The following MAN1C1 variants were observed in gnomAD, a reference collection of about 807,000 sequenced individuals.
The protein encoded by MAN1C1 is mannosyl-oligosaccharide 1,2-alpha-mannosidase IC.
In MAN1C1, 49 loss-of-function variants were observed where a neutral mutation model predicts 71.5. The ratio of observed to expected loss-of-function variants is 0.69; its 90% CI spans 0.54 to 0.87. The LOEUF (loss-of-function observed/expected upper bound fraction) is 0.87, where lower values mean the gene tolerates loss of function less well. MAN1C1 is among the 40% of genes least tolerant of loss of function. The pLI, the probability that MAN1C1 is intolerant of heterozygous loss-of-function variation, is 0.00. For synonymous variants in MAN1C1, 352 were observed against 343.7 expected, an observed-to-expected ratio of 1.02 and a Z score of -0.27; for missense variants, 743 against 835.0, an observed-to-expected ratio of 0.89 and a Z score of 1.36.
chr1:25,666,472 C>G (rs1008386365), intron 1 of MAN1C1, among the ~76,000 whole-genome samples: 1 of 152,118 alleles, frequency 6.6e-6, no homozygotes, highest in Non-Finnish European at 1.5e-5. Flanking sequence ...AACACCAAGT[C>G]CATAGTGAAA....
intron 7 of MAN1C1, among the ~76,000 whole-genome samples, chr1:25,768,304 A>G (rs1177477133): frequency 1.1e-5 from 1 of 87,652 alleles, no homozygotes. Flanking sequence ...CACACGCATT[A>G]CACACTCCCT....
intron 11 of MAN1C1, 66 bp from the exon 12 acceptor site, chr1:25,783,597 G>A: frequency 6.4e-7 from 1 of 1,573,738 alleles, no homozygotes; most frequent in South Asian, 1.1e-5. Context: ...TTGTTCCCAG[G>A]CCCACCCTTC....
At position 25,732,596 on chromosome 1, in the gene MAN1C1, C is replaced by T. The variant is rs551926743; in HGVS notation, c.638-14072C>T. On this transcript the variant is annotated intron_variant, in intron 2 of 11. Transcript: ENST00000374332. The stretch of plus-strand genomic sequence containing the variant: ...TCCGGCATTTTGCATGATCTCTAGC[C>T]CTCAGGATGGTTTGCAAGGTGGAGG... Among the ~76,000 whole-genome samples the T allele has an allele frequency of 4.6e-5, 7 of 152,306 alleles. No individual in the cohort carries two copies. The South Asian group carries it at 1.2e-3, about 27-fold the overall frequency.
intron 1 of MAN1C1, among the ~76,000 whole-genome samples, chr1:25,673,200 CGAT>C (rs1486564400): frequency 6.6e-6 from 1 of 152,138 alleles, no homozygotes; most frequent in Non-Finnish European, 1.5e-5. Flanking sequence ...GCAGGGAAGA[CGAT>C]GAATGGGAAG....
chr1:25,631,889 A>G lies in MAN1C1; in HGVS notation c.540+13552A>G, dbSNP rs1165779873. Reference sequence around the variant, plus strand: ...TAGGTTCAAGTGATTCTCCTGCCTCAGCTGCCTGAGTAGCTGGGACTACAG... The same window carrying G: ...TAGGTTCAAGTGATTCTCCTGCCTCGGCTGCCTGAGTAGCTGGGACTACAG... On this transcript the variant is annotated intron_variant, in intron 1 of 11. Coordinates refer to ENST00000374332, the MANE Select transcript of MAN1C1 (RefSeq NM_020379.4). This position sits in a 1 kb window ranked among gnomAD's most constrained non-coding sequence, Gnocchi z 4.2. 2.0e-5 allele frequency among the ~76,000 whole-genome samples: 3 copies of G among 152,186 alleles called. No homozygotes were observed. The highest frequency in any genetic ancestry group is 4.4e-5 in the Non-Finnish European group (3 of 68,026).
chr1:25,762,685 C>A (rs1435316954), intron 6 of MAN1C1, among the ~76,000 whole-genome samples: 1 of 152,030 alleles, frequency 6.6e-6, no homozygotes, highest in African/African-American at 2.4e-5. Context: ...CCCTTGGCCT[C>A]CCAAAGTGCT....
chr1:25,693,579 C>G (rs984216655), intron 2 of MAN1C1, among the ~76,000 whole-genome samples: 1 of 152,114 alleles, frequency 6.6e-6, no homozygotes, highest in Non-Finnish European at 1.5e-5. Flanking sequence ...TACAGTAAGC[C>G]GAGATTGCCC....
At chr1:25,722,903 G>C (rs1026837411) in intron 2 of MAN1C1, among the ~76,000 whole-genome samples, 9 of 152,282 alleles carry the variant, frequency 5.9e-5, no homozygotes, top group South Asian at 2.1e-4. Context: ...AGCTAGTCTG[G>C]TTCTGCATAG....
At chr1:25,666,710 T>C (rs2045929427) in intron 1 of MAN1C1, among the ~76,000 whole-genome samples, 1 of 152,206 alleles carries the variant, frequency 6.6e-6, no homozygotes, top group Admixed American at 6.5e-5. Context: ...GATGGTTTCC[T>C]CCTTTATACA....
chr1:25,699,603 G>A (rs2046411316), intron 2 of MAN1C1, among the ~76,000 whole-genome samples: 1 of 152,178 alleles, frequency 6.6e-6, no homozygotes, highest in African/African-American at 2.4e-5. Flanking sequence ...CTGCCACCCA[G>A]ATGAGGCCTG....
intron 2 of MAN1C1, among the ~76,000 whole-genome samples, chr1:25,744,444 C>T (rs143455681): frequency 6.6e-6 from 1 of 152,168 alleles, no homozygotes; most frequent in South Asian, 2.1e-4. Flanking sequence ...GGACGCAGTG[C>T]TGGGTCCTTC....
intron 1 of MAN1C1, among the ~76,000 whole-genome samples, chr1:25,649,354 T>C (rs778968443): frequency 6.6e-6 from 1 of 152,214 alleles, no homozygotes; most frequent in Non-Finnish European, 1.5e-5. Context: ...TTTTTGAGTG[T>C]CGGAAATCCC....
intron 1 of MAN1C1, among the ~76,000 whole-genome samples, chr1:25,678,997 G>C (rs886864193): frequency 5.3e-5 from 8 of 152,126 alleles, no homozygotes; most frequent in Non-Finnish European, 7.4e-5. Context: ...AGAAGAGAGA[G>C]AGAGGAGACG....
chr1:25,778,271 G>A lies in MAN1C1; in HGVS notation c.1424G>A (p.Arg475Gln), dbSNP rs781087513. 25 of 1,613,880 alleles carry A rather than the reference G, an allele frequency of 1.5e-5. No homozygotes were observed. Among genetic ancestry groups the A allele is most frequent in the Non-Finnish European group, 2.0e-5 (24 of 1,179,950 alleles). Residue 475 changes from arginine (R) to glutamine (Q), a missense_variant, in exon 9 of 12, where the codon CGA becomes CAA. By Grantham distance (43) the Arg-to-Gln change is conservative. Transcript: ENST00000374332. This position sits in a 1 kb window ranked among gnomAD's most constrained non-coding sequence, Gnocchi z 5.5. ...DAKEEKRAHYRELAAQITKTC... is the reference protein window; with the variant it reads ...DAKEEKRAHYQELAAQITKTC... ...AAGGAAGAAAAGAGGGCCCACTACC[G>A]AGAGCTCGCAGCCCAGATCACCAAG...
In MAN1C1 at chr1:25,743,758, A is replaced by G. The variant is rs1360427422; in HGVS notation, c.638-2910A>G. ...GCCTGATCTAGAGGAAGAAGGGCGC[A>G]TGGGGTGAAAACACCAGGGAGCTCA... On this transcript the variant is annotated intron_variant, in intron 2 of 11. Coordinates refer to ENST00000374332, the MANE Select transcript of MAN1C1 (RefSeq NM_020379.4). Among the ~76,000 whole-genome samples, 3 of 152,222 alleles carry G rather than the reference A, an allele frequency of 2.0e-5. No individual in the cohort carries two copies. In the East Asian group the frequency reaches 5.8e-4, roughly 29 times the overall value.
intron 1 of MAN1C1, among the ~76,000 whole-genome samples, chr1:25,637,948 C>T (rs1489741095): frequency 6.6e-6 from 1 of 151,364 alleles, no homozygotes; most frequent in Non-Finnish European, 1.5e-5. Context: ...TAAAATGTAC[C>T]TCTTATAAAG....
chr1:25,766,890 G>A (rs1308434768), intron 7 of MAN1C1, among the ~76,000 whole-genome samples: 2 of 152,008 alleles, frequency 1.3e-5, no homozygotes, highest in East Asian at 1.9e-4. Context: ...GCATCAGATC[G>A]GCTGATTTCC....
intron 2 of MAN1C1, among the ~76,000 whole-genome samples, chr1:25,716,151 C>T (rs1434264992): frequency 6.6e-6 from 1 of 152,178 alleles, no homozygotes; most frequent in Non-Finnish European, 1.5e-5. Flanking sequence ...TATGCCTACA[C>T]GTAGCTGGAA....
chr1:25,768,695 AAC>A (rs1233174695), intron 7 of MAN1C1, among the ~76,000 whole-genome samples: 31 of 108,534 alleles, frequency 2.9e-4, no homozygotes, highest in Non-Finnish European at 3.6e-4. Flanking sequence ...ACGCTCCCTT[AAC>A]ACACACACAC....
Sources: allele counts gnomAD v4.1 joint callset (sites outside exome capture counted in the v4.1 genomes callset), GRCh38; gene constraint gnomAD v4.1.1; non-coding constraint Gnocchi (gnomAD v3.1); transcripts MANE v1.5; gene names NCBI Gene and HGNC (gene_info 2026-07-23, HGNC 2026-07-21).